Variants in VPS13B observed in about 807,000 individuals in gnomAD.
VPS13B encodes vacuolar protein sorting 13 homolog B.
A neutral mutation model predicts 426.4 loss-of-function variants in VPS13B; 285 were observed. That is an observed-to-expected ratio of 0.67 (90% CI 0.61 to 0.74). The LOEUF (loss-of-function observed/expected upper bound fraction) is 0.74. VPS13B is among the 30% of genes least tolerant of loss of function. The pLI, the probability that VPS13B is intolerant of heterozygous loss-of-function variation, is 0.00. For synonymous variants in VPS13B, 1,676 were observed against 1,676.4 expected (o/e 1.00, Z 0.01); for missense variants, 4,537 against 4,782.6 (o/e 0.95, Z 1.51).
Position 99,434,447 on chromosome 8 carries a change from A to G in VPS13B, c.3210+2783A>G, listed in dbSNP as rs559996770. On this transcript the variant is annotated intron_variant, in intron 22 of 61. Transcript: ENST00000357162. ...TTATTGACCCACAGAAACTGCAACA[A>G]ATGTCTGTTGTTTTAGGCTGTTACA... Among the ~76,000 whole-genome samples, 5 of 152,324 alleles carry G rather than the reference A, an allele frequency of 3.3e-5. 1 individual carries two copies. The highest frequency in any genetic ancestry group is 1.2e-4 in the African/African-American group (5 of 41,576).
At chr8:99,115,501 C>T (rs879584203) in intron 6 of VPS13B, among the ~76,000 whole-genome samples, 199 bp from the exon 7 acceptor site, 1 of 152,044 alleles carries the variant, frequency 6.6e-6, no homozygotes, top group Non-Finnish European at 1.5e-5. Flanking sequence ...TCGTTTCTAT[C>T]TAACGTGTAT....
intron 3 of VPS13B, among the ~76,000 whole-genome samples, chr8:99,069,275 A>T (rs1844724615): frequency 6.6e-6 from 1 of 152,150 alleles, no homozygotes; most frequent in Admixed American, 6.6e-5. Flanking sequence ...TCTACAAAAC[A>T]GTACAAAAAT....
chr8:99,598,563 A>ATCTG (rs1563817176), intron 33 of VPS13B, among the ~76,000 whole-genome samples: 1 of 152,078 alleles, frequency 6.6e-6, no homozygotes, highest in Non-Finnish European at 1.5e-5. Flanking sequence ...AGTGATTCAG[A>ATCTG]ATAAATAAAA....
intron 2 of VPS13B, among the ~76,000 whole-genome samples, chr8:99,033,009 G>C (rs192722139): frequency 4.6e-5 from 7 of 152,120 alleles, no homozygotes; most frequent in Non-Finnish European, 8.8e-5. Context: ...ATTGCATCTT[G>C]TTAAAAGTTC....
chr8:99,366,754 T>C (rs1563690823), intron 19 of VPS13B, among the ~76,000 whole-genome samples: 2 of 152,072 alleles, frequency 1.3e-5, no homozygotes, highest in African/African-American at 2.4e-5. Context: ...TTTGTGTATC[T>C]GTTGTATGTT....
chr8:99,286,563 C>A (rs1175323580), intron 19 of VPS13B, among the ~76,000 whole-genome samples: 1 of 152,104 alleles, frequency 6.6e-6, no homozygotes, highest in Non-Finnish European at 1.5e-5. Flanking sequence ...AATTTGCGTA[C>A]CTTCAGTCAA....
intron 6 of VPS13B, among the ~76,000 whole-genome samples, chr8:99,114,055 A>G (rs1387406729): frequency 6.6e-6 from 1 of 152,022 alleles, no homozygotes; most frequent in Admixed American, 6.6e-5. Flanking sequence ...TTTACTTTGC[A>G]GTTTCTCAGA....
chr8:99,374,791 G>T (rs1813394455), intron 19 of VPS13B, among the ~76,000 whole-genome samples: 1 of 152,010 alleles, frequency 6.6e-6, no homozygotes, highest in Admixed American at 6.5e-5. Flanking sequence ...TGTGTTTTTT[G>T]AGAGCAAGAT....
intron 33 of VPS13B, among the ~76,000 whole-genome samples, chr8:99,587,843 A>C (rs1010668313): frequency 4.0e-5 from 6 of 151,726 alleles, no homozygotes; most frequent in Non-Finnish European, 7.4e-5. Flanking sequence ...CCATTTGTCT[A>C]TTCTGGCTTT....
chr8:99,751,133 G>T (rs1418488200), intron 39 of VPS13B, among the ~76,000 whole-genome samples: 2 of 152,130 alleles, frequency 1.3e-5, no homozygotes, highest in Admixed American at 6.6e-5. Flanking sequence ...ACACTGTATA[G>T]TCTGCCCCTT....
At chr8:99,438,034 C>CTTTTTTTTTTTTTTTTTTTTTTTTTTCTT (rs746500253) in intron 22 of VPS13B, among the ~76,000 whole-genome samples, 1 of 120,588 alleles carries the variant, frequency 8.3e-6, no homozygotes, top group Non-Finnish European at 1.7e-5. Flanking sequence ...TTCTTTTCCT[C>CTTTTTTTTTTTTTTTTTTTTTTTTTTCTT]TTTTTTTTTT....
At chr8:99,176,034 G>C (rs1812609790) in intron 16 of VPS13B, among the ~76,000 whole-genome samples, 2 of 152,122 alleles carry the variant, frequency 1.3e-5, no homozygotes, top group Admixed American at 6.5e-5. Flanking sequence ...TCCCTGAGCA[G>C]TTCCTCTCTA....
At chr8:99,257,245 T>C (rs972366623) in intron 17 of VPS13B, among the ~76,000 whole-genome samples, 1 of 152,050 alleles carries the variant, frequency 6.6e-6, no homozygotes, top group East Asian at 1.9e-4. Flanking sequence ...GAGAAACAGG[T>C]TAGAGTTTTG....
intron 44 of VPS13B, among the ~76,000 whole-genome samples, chr8:99,811,452 AAC>A (rs764520081): frequency 4.6e-5 from 7 of 152,142 alleles, no homozygotes; most frequent in Admixed American, 2.0e-4. Flanking sequence ...GGCTTGTTAA[AAC>A]ACAGATTGCT....
chr8:99,301,148 G>A (rs186413329), intron 19 of VPS13B, among the ~76,000 whole-genome samples: 10 of 152,088 alleles, frequency 6.6e-5, no homozygotes, highest in East Asian at 3.9e-4. Flanking sequence ...CTGAGAGGTC[G>A]AGGCTGCAGT....
chr8:99,615,318 C>G (rs1828041013), intron 33 of VPS13B, among the ~76,000 whole-genome samples: 1 of 152,032 alleles, frequency 6.6e-6, no homozygotes, highest in African/African-American at 2.4e-5. Flanking sequence ...GTTTTCTAAT[C>G]CTGGCGCTAC....
intron 19 of VPS13B, among the ~76,000 whole-genome samples, chr8:99,382,228 G>A (rs1008294815): frequency 2.6e-5 from 4 of 152,072 alleles, no homozygotes; most frequent in African/African-American, 9.7e-5. Context: ...GGTTACTATA[G>A]TCTTGTAGTA....
intron 3 of VPS13B, among the ~76,000 whole-genome samples, chr8:99,059,393 T>C: frequency 6.6e-6 from 1 of 152,210 alleles, no homozygotes; most frequent in East Asian, 1.9e-4. Flanking sequence ...CAGGCTGGTC[T>C]CAAACTCCTG....
At chr8:99,798,648 G>A (rs1812978850) in intron 43 of VPS13B, among the ~76,000 whole-genome samples, 1 of 152,156 alleles carries the variant, frequency 6.6e-6, no homozygotes, top group Non-Finnish European at 1.5e-5. Flanking sequence ...GCGCCCAGAG[G>A]AATGGCTGCT....
Sources: allele counts gnomAD v4.1 joint callset (sites outside exome capture counted in the v4.1 genomes callset), GRCh38; gene constraint gnomAD v4.1.1; transcripts MANE v1.5; gene names NCBI Gene and HGNC (gene_info 2026-07-23, HGNC 2026-07-21).